Variants in RANBP2 observed in about 807,000 individuals in gnomAD.
The protein encoded by RANBP2 is RAN binding protein 2.
Under a neutral mutation model 303.6 loss-of-function variants are expected in RANBP2, and 57 were observed. The ratio of observed to expected loss-of-function variants is 0.19; its 90% CI spans 0.15 to 0.23. The LOEUF is 0.23. Ranked by LOEUF, RANBP2 falls within the 10% of genes least tolerant of loss-of-function variation. The pLI is 1.00. For synonymous variants in RANBP2, 1,167 were observed against 1,301.5 expected, an observed-to-expected ratio of 0.90 and a Z score of 2.23; for missense variants, 3,138 against 3,780.8, an observed-to-expected ratio of 0.83 and a Z score of 4.46.
chr2:109,118,088 C>G, the RANBP2 span, among the ~76,000 whole-genome samples: 2 of 152,198 alleles, frequency 1.3e-5, no homozygotes, highest in African/African-American at 2.4e-5. Context: ...CTGCAAGGCA[C>G]AAAGGCCTTC....
At chr2:109,562,307 C>T in the RANBP2 span, among the ~76,000 whole-genome samples, 1 of 151,892 alleles carries the variant, frequency 6.6e-6, no homozygotes, top group South Asian at 2.1e-4. Flanking sequence ...TCTTTCACGC[C>T]TCCATCTTCT....
chr2:109,188,431 C>T, the RANBP2 span, among the ~76,000 whole-genome samples: 1 of 152,206 alleles, frequency 6.6e-6, no homozygotes, highest in Non-Finnish European at 1.5e-5. Flanking sequence ...GCCCAGCCAT[C>T]CACACAACAG....
the RANBP2 span, chr2:108,794,609 C>T: frequency 6.2e-7 from 1 of 1,614,066 alleles, no homozygotes; most frequent in Non-Finnish European, 8.5e-7. Context: ...GGTGACTCTC[C>T]TTTGAAACCT....
At chr2:109,066,211 C>T in the RANBP2 span, among the ~76,000 whole-genome samples, 4 of 152,120 alleles carry the variant, frequency 2.6e-5, no homozygotes, top group Admixed American at 2.0e-4. Flanking sequence ...TGGGTTCAAG[C>T]GATTCTCCTG....
chr2:109,062,850 T>G, the RANBP2 span, among the ~76,000 whole-genome samples: 1 of 139,244 alleles, frequency 7.2e-6, no homozygotes, highest in South Asian at 2.3e-4. Flanking sequence ...TTGGGGGCCC[T>G]GGGAGCGGGT....
At chr2:109,613,979 C>A in the RANBP2 span, 8 of 1,199,122 alleles carry the variant, frequency 6.7e-6, no homozygotes, top group East Asian at 2.8e-4. Context: ...AGGGGCGGGG[C>A]CGAGCTGGAG....
the RANBP2 span, among the ~76,000 whole-genome samples, chr2:109,338,235 G>A: frequency 0.011 from 1,644 of 152,204 alleles, 15 homozygotes; most frequent in Middle Eastern, 0.034. Flanking sequence ...CTCACATTTA[G>A]GATCCCTGTG....
At chr2:108,746,269 A>G (rs951783349) in intron 7 of RANBP2, among the ~76,000 whole-genome samples, 30 of 140,900 alleles carry the variant, frequency 2.1e-4, no homozygotes, top group Admixed American at 8.1e-4. Context: ...CTGGAGTGCA[A>G]TGGCGCAGTC....
chr2:108,890,026 G>A, the RANBP2 span, among the ~76,000 whole-genome samples: 54 of 152,108 alleles, frequency 3.6e-4, no homozygotes, highest in South Asian at 1.0e-3. Flanking sequence ...TGTGGGAGTC[G>A]TCTAGTGGTA....
the RANBP2 span, among the ~76,000 whole-genome samples, chr2:109,194,429 C>T: frequency 3.3e-5 from 5 of 152,338 alleles, no homozygotes; most frequent in East Asian, 1.9e-4. Flanking sequence ...TCTTCAGCTG[C>T]GCTCTCGGCT....
the RANBP2 span, among the ~76,000 whole-genome samples, chr2:109,172,243 T>A: frequency 2.0e-5 from 3 of 152,200 alleles, no homozygotes; most frequent in Admixed American, 2.0e-4. Flanking sequence ...GTCTGAAGTA[T>A]CAGCCGCCAC....
chr2:108,762,978 G>T (rs1301968253), intron 19 of RANBP2, among the ~76,000 whole-genome samples: 8 of 152,064 alleles, frequency 5.3e-5, no homozygotes, highest in Non-Finnish European at 1.2e-4. Context: ...ACCTACTTAT[G>T]CCTAGTGCTC....
At chr2:109,529,350 T>C in the RANBP2 span, among the ~76,000 whole-genome samples, 7 of 151,594 alleles carry the variant, frequency 4.6e-5, no homozygotes, top group South Asian at 4.2e-4. Context: ...CAGTGTAGAG[T>C]GACCAGCGGT....
At chr2:108,997,925 A>T in the RANBP2 span, among the ~76,000 whole-genome samples, 1 of 152,052 alleles carries the variant, frequency 6.6e-6, no homozygotes, top group Non-Finnish European at 1.5e-5. Flanking sequence ...AAAACACAAG[A>T]CACTGCTCTG....
At chr2:109,203,848 C>T in the RANBP2 span, among the ~76,000 whole-genome samples, 9 of 152,250 alleles carry the variant, frequency 5.9e-5, no homozygotes, top group East Asian at 5.8e-4. Context: ...GTGGGTGCCT[C>T]GCTACCTACC....
At chr2:109,311,869 A>G in the RANBP2 span, among the ~76,000 whole-genome samples, 2,741 of 152,158 alleles carry the variant, frequency 0.018, 94 homozygotes, top group African/African-American at 0.063. Flanking sequence ...TAAAGTTTGA[A>G]GTTGTTTTCT....
the RANBP2 span, among the ~76,000 whole-genome samples, chr2:108,842,832 G>A: frequency 3.7e-4 from 57 of 152,190 alleles, no homozygotes; most frequent in African/African-American, 1.3e-3. Flanking sequence ...CAAATTATAA[G>A]CATTCACTAC....
the RANBP2 span, among the ~76,000 whole-genome samples, chr2:109,451,602 T>G: frequency 1.3e-5 from 2 of 152,260 alleles, no homozygotes; most frequent in South Asian, 4.1e-4. Context: ...GTGAAGCTAA[T>G]GAACACCAGC....
At chr2:108,747,304 A>T (rs536411887) in intron 8 of RANBP2, among the ~76,000 whole-genome samples, 7 of 152,298 alleles carry the variant, frequency 4.6e-5, no homozygotes, top group Admixed American at 1.3e-4. Flanking sequence ...GTTGCGTATT[A>T]CCTGTGATTT....
Sources: gnomAD v4.1 joint callset for allele counts (sites outside exome capture counted in the v4.1 genomes callset) on GRCh38, gnomAD v4.1.1 for gene constraint, MANE v1.5 for transcripts, NCBI Gene and HGNC (gene_info 2026-07-23, HGNC 2026-07-21) for gene names.